CNTNAP5: variants seen among roughly 807,000 people sequenced by gnomAD.
The protein encoded by CNTNAP5 is contactin-associated protein-like 5.
In CNTNAP5, 72 loss-of-function variants were observed where a neutral mutation model predicts 150.2. The ratio of observed to expected loss-of-function variants is 0.48; its 90% CI spans 0.40 to 0.58. The LOEUF is 0.58. CNTNAP5 is among the 20% of genes least tolerant of loss of function. The pLI is 0.00. For synonymous variants in CNTNAP5, 672 were observed against 619.8 expected, an observed-to-expected ratio of 1.08 and a Z score of -1.25; for missense variants, 1,636 against 1,626.2, an observed-to-expected ratio of 1.01 and a Z score of -0.10.
At chr2:124,328,622 T>C (rs1280508911) in intron 3 of CNTNAP5, among the ~76,000 whole-genome samples, 1 of 152,186 alleles carries the variant, frequency 6.6e-6, no homozygotes, top group Non-Finnish European at 1.5e-5. Context: ...GCCTGTTTGT[T>C]CCTGCAGAGG....
intron 4 of CNTNAP5, among the ~76,000 whole-genome samples, chr2:124,420,085 A>C (rs1373375270): frequency 2.1e-5 from 3 of 140,848 alleles, no homozygotes; most frequent in Admixed American, 1.5e-4. Flanking sequence ...CCGCCTCCTG[A>C]GTTCAAGTGA....
chr2:124,580,290 C>T (rs1696380221), intron 11 of CNTNAP5, among the ~76,000 whole-genome samples: 3 of 152,216 alleles, frequency 2.0e-5, no homozygotes, highest in Admixed American at 2.0e-4. Flanking sequence ...TTAAGTTCAG[C>T]CTAAAGGCTT....
chr2:124,356,145 A>G (rs1187883823), intron 3 of CNTNAP5, among the ~76,000 whole-genome samples: 1 of 152,194 alleles, frequency 6.6e-6, no homozygotes, highest in African/African-American at 2.4e-5. Flanking sequence ...TCTTCAGTAC[A>G]AATCTTATAA....
At chr2:124,891,619 TAAA>T (rs1678196246) in intron 21 of CNTNAP5, among the ~76,000 whole-genome samples, 1 of 152,146 alleles carries the variant, frequency 6.6e-6, no homozygotes, top group Non-Finnish European at 1.5e-5. Context: ...TCCTTGGTGA[TAAA>T]AACCTGTTCT....
At chr2:124,125,235 A>G (rs1683660842) in intron 1 of CNTNAP5, among the ~76,000 whole-genome samples, 1 of 152,200 alleles carries the variant, frequency 6.6e-6, no homozygotes, top group South Asian at 2.1e-4. Flanking sequence ...AAGCAAATGG[A>G]GAACAAAAAA....
chr2:124,052,738 A>G (rs1461991365), intron 1 of CNTNAP5, among the ~76,000 whole-genome samples: 1 of 152,174 alleles, frequency 6.6e-6, no homozygotes, highest in East Asian at 1.9e-4. Context: ...GCAAATAAGA[A>G]CCTAAGTAGC....
intron 4 of CNTNAP5, among the ~76,000 whole-genome samples, chr2:124,432,865 A>G (rs949407839): frequency 3.3e-5 from 5 of 152,178 alleles, no homozygotes; most frequent in Admixed American, 6.5e-5. Context: ...ATAGGAACTA[A>G]AAGATTCCTG....
chr2:124,222,723 G>A lies in CNTNAP5; in HGVS notation c.187+914G>A, dbSNP rs553239272. On this transcript the variant is annotated intron_variant, in intron 2 of 23. Coordinates refer to ENST00000682447, the MANE Select transcript of CNTNAP5 (RefSeq NM_001367498.1). The stretch of plus-strand genomic sequence containing the variant: ...ATTCTGGAATAAGTTCTAATTGGTC[G>A]TTGTGTTTTTTTTTTTTTTACACGC... Among the ~76,000 whole-genome samples the A allele has an allele frequency of 3.7e-4, 52 of 140,324 alleles. No homozygotes were observed. In the South Asian group the frequency reaches 6.2e-3, roughly 17 times the overall value. The allele number at this position is 140,324 out of a possible 152,430, so 92.1% of individuals were successfully genotyped here.
At chr2:124,386,819 C>T (rs574787698) in intron 3 of CNTNAP5, among the ~76,000 whole-genome samples, 1 of 152,070 alleles carries the variant, frequency 6.6e-6, no homozygotes, top group Admixed American at 6.5e-5. Context: ...ATGTTTGTGT[C>T]CCCCCAGAAT....
At chr2:124,774,086 T>A (rs1681268880) in intron 17 of CNTNAP5, among the ~76,000 whole-genome samples, 1 of 152,068 alleles carries the variant, frequency 6.6e-6, no homozygotes, top group Non-Finnish European at 1.5e-5. Context: ...ATATTGTCAA[T>A]ACTACCAAAA....
At chr2:124,902,214 C>A (rs1367284134) in intron 21 of CNTNAP5, among the ~76,000 whole-genome samples, 1 of 152,080 alleles carries the variant, frequency 6.6e-6, no homozygotes, top group African/African-American at 2.4e-5. Context: ...CTATGAATCC[C>A]AAATTATTGC....
At chr2:124,714,369 G>A (rs1223960940) in intron 13 of CNTNAP5, among the ~76,000 whole-genome samples, 1 of 152,078 alleles carries the variant, frequency 6.6e-6, no homozygotes, top group African/African-American at 2.4e-5. Flanking sequence ...TAGATAATTG[G>A]CTCAAAGAGA....
chr2:124,698,726 G>A (rs1208463853), intron 13 of CNTNAP5, among the ~76,000 whole-genome samples: 1 of 152,072 alleles, frequency 6.6e-6, no homozygotes, highest in Non-Finnish European at 1.5e-5. Flanking sequence ...GAGAGATGTA[G>A]GCCAAAGCCC....
At chr2:124,740,320 T>C (rs1680471249) in intron 13 of CNTNAP5, among the ~76,000 whole-genome samples, 1 of 152,130 alleles carries the variant, frequency 6.6e-6, no homozygotes, top group Admixed American at 6.6e-5. Flanking sequence ...GAAGAGTTTT[T>C]AACTGAATGC....
intron 3 of CNTNAP5, among the ~76,000 whole-genome samples, chr2:124,372,280 A>G (rs1690546846): frequency 6.6e-6 from 1 of 151,878 alleles, no homozygotes. Context: ...GGACTGTGCT[A>G]TTGGCTCCCC....
intron 11 of CNTNAP5, among the ~76,000 whole-genome samples, chr2:124,590,900 C>T (rs1444038426): frequency 6.6e-6 from 1 of 152,156 alleles, no homozygotes; most frequent in African/African-American, 2.4e-5. Context: ...TGAATACTAT[C>T]ATTATCTTTA....
chr2:124,548,493 A>G (rs1238939084), intron 10 of CNTNAP5, among the ~76,000 whole-genome samples: 2 of 152,250 alleles, frequency 1.3e-5, no homozygotes, highest in Non-Finnish European at 2.9e-5. Flanking sequence ...AAATGAACAA[A>G]GATGAAGTGT....
intron 13 of CNTNAP5, among the ~76,000 whole-genome samples, chr2:124,725,422 G>A (rs530228879): frequency 1.3e-5 from 2 of 151,450 alleles, no homozygotes; most frequent in East Asian, 3.9e-4. Flanking sequence ...ACCTCACATA[G>A]TTTCCCTCCC....
At chr2:124,201,030 G>A (rs190219761) in intron 1 of CNTNAP5, among the ~76,000 whole-genome samples, 35 of 152,188 alleles carry the variant, frequency 2.3e-4, no homozygotes, top group East Asian at 5.8e-4. Flanking sequence ...ATCCTGCTAC[G>A]TTTCATTTTC....
Sources: gnomAD v4.1 joint callset for allele counts (sites outside exome capture counted in the v4.1 genomes callset) on GRCh38, gnomAD v4.1.1 for gene constraint, MANE v1.5 for transcripts, NCBI Gene and HGNC (gene_info 2026-07-23, HGNC 2026-07-21) for gene names.